Variants in KCNMB2 observed in about 807,000 individuals in gnomAD.
KCNMB2 encodes calcium-activated potassium channel subunit beta-2.
In KCNMB2, 9 loss-of-function variants were observed where a neutral mutation model predicts 24.5. The ratio of observed to expected loss-of-function variants is 0.37; its 90% CI spans 0.22 to 0.64. KCNMB2 has a LOEUF of 0.64. KCNMB2 is among the 30% of genes least tolerant of loss of function. KCNMB2 has a pLI of 0.63. For missense variants in KCNMB2, 226 were observed against 284.3 expected, an observed-to-expected ratio of 0.79 and a Z score of 1.47; for synonymous variants, 109 against 104.4, an observed-to-expected ratio of 1.04 and a Z score of -0.27.
chr3:178,774,542 A>G (rs1712503767), intron 1 of KCNMB2, among the ~76,000 whole-genome samples: 1 of 152,106 alleles, frequency 6.6e-6, no homozygotes, highest in South Asian at 2.1e-4. Context: ...GCTCTGAACC[A>G]TCATGGGGAC....
chr3:178,550,457 CAAAAAAA>C (rs71671909), intron 1 of KCNMB2, among the ~76,000 whole-genome samples: 4 of 46,020 alleles, frequency 8.7e-5, no homozygotes, highest in Admixed American at 2.9e-4. Flanking sequence ...GACTCCGTCT[CAAAAAAA>C]AAAAAAAAAA....
intron 1 of KCNMB2, among the ~76,000 whole-genome samples, chr3:178,648,762 T>C (rs1030038444): frequency 3.9e-5 from 6 of 152,194 alleles, no homozygotes; most frequent in Non-Finnish European, 8.8e-5. Flanking sequence ...ATAAGTCTGT[T>C]AAAGATTTTT....
At chr3:178,825,512 G>A in intron 2 of KCNMB2, 76 bp from the exon 3 acceptor site, 1 of 1,312,120 alleles carries the variant, frequency 7.6e-7, no homozygotes. Flanking sequence ...GAAGGCATGG[G>A]CAGAAACTGA....
intron 1 of KCNMB2, among the ~76,000 whole-genome samples, chr3:178,574,617 G>A (rs898450360): frequency 1.3e-5 from 2 of 152,094 alleles, no homozygotes; most frequent in Non-Finnish European, 2.9e-5. Flanking sequence ...CTTAAGGATC[G>A]GCTGCCCTTG....
chr3:178,558,200 A>G (rs1253004549), intron 1 of KCNMB2, among the ~76,000 whole-genome samples: 1 of 152,250 alleles, frequency 6.6e-6, no homozygotes, highest in Admixed American at 6.5e-5. Context: ...TAAATTGCCC[A>G]TACAATACAC....
At chr3:178,581,711 T>C (rs1357817415) in intron 1 of KCNMB2, among the ~76,000 whole-genome samples, 1 of 151,960 alleles carries the variant, frequency 6.6e-6, no homozygotes, top group African/African-American at 2.4e-5. Context: ...GCAAAGAATA[T>C]AAACAGACAC....
At chr3:178,732,418 G>A (rs1022713670) in intron 1 of KCNMB2, among the ~76,000 whole-genome samples, 4 of 152,158 alleles carry the variant, frequency 2.6e-5, no homozygotes, top group Non-Finnish European at 4.4e-5. Context: ...GTTGCCTGAA[G>A]TACATATTCC....
chr3:178,622,235 T>C (rs1420159350), intron 1 of KCNMB2, among the ~76,000 whole-genome samples: 1 of 152,220 alleles, frequency 6.6e-6, no homozygotes, highest in Admixed American at 6.5e-5. Flanking sequence ...TGTTTAACAC[T>C]ATATCACAGG....
At chr3:178,737,026 T>C (rs575912136) in intron 1 of KCNMB2, among the ~76,000 whole-genome samples, 2 of 152,286 alleles carry the variant, frequency 1.3e-5, no homozygotes, top group Admixed American at 6.5e-5. Context: ...TCCCAACACT[T>C]TGGGAGGCTG....
chr3:178,657,022 G>A (rs764789477), intron 1 of KCNMB2, among the ~76,000 whole-genome samples: 44 of 152,084 alleles, frequency 2.9e-4, no homozygotes, highest in Non-Finnish European at 5.3e-4. Flanking sequence ...CTGGCCCTCC[G>A]CCACTTGCCT....
At chr3:178,838,263 A>G (rs1715303661) in intron 4 of KCNMB2, among the ~76,000 whole-genome samples, 1 of 152,172 alleles carries the variant, frequency 6.6e-6, no homozygotes, top group African/African-American at 2.4e-5. Flanking sequence ...AATTTGCTTC[A>G]TGGCAGTCAA....
Position 178,713,934 on chromosome 3 carries a change from G to A in KCNMB2, c.-67-93409G>A, listed in dbSNP as rs1263813139. ...TTAACCCTGTGGGAAAAGCATTTGT[G>A]TTGTCTTACTAGTCTGCTCATGTTT... On this transcript the variant is annotated intron_variant, in intron 1 of 4. Transcript: ENST00000452583. 2.0e-5 allele frequency among the ~76,000 whole-genome samples: 3 copies of A among 152,138 alleles called. No homozygotes were observed. The East Asian group carries it at 5.8e-4, about 29-fold the overall frequency.
chr3:178,606,377 C>A (rs1277739888), intron 1 of KCNMB2, among the ~76,000 whole-genome samples: 1 of 152,046 alleles, frequency 6.6e-6, no homozygotes, highest in Admixed American at 6.5e-5. Context: ...GAGCCACAAG[C>A]CAAAGAGGAT....
At chr3:178,663,441 T>C (rs1012528941) in intron 1 of KCNMB2, among the ~76,000 whole-genome samples, 1 of 152,150 alleles carries the variant, frequency 6.6e-6, no homozygotes, top group African/African-American at 2.4e-5. Flanking sequence ...ATTCCCATAA[T>C]GTTTTCTACA....
chr3:178,608,194 T>C (rs1430452893), intron 1 of KCNMB2, among the ~76,000 whole-genome samples: 2 of 152,176 alleles, frequency 1.3e-5, no homozygotes, highest in Admixed American at 6.5e-5. Flanking sequence ...AACTGGACTT[T>C]GTGGGATTTT....
intron 1 of KCNMB2, among the ~76,000 whole-genome samples, chr3:178,653,729 TTA>T (rs1253382051): frequency 7.3e-5 from 11 of 151,302 alleles, no homozygotes; most frequent in Admixed American, 1.3e-4. Context: ...CAAATTGTCT[TTA>T]TGTTTTTAAG....
intron 4 of KCNMB2, among the ~76,000 whole-genome samples, chr3:178,839,027 C>G (rs138188200): frequency 1.3e-5 from 2 of 152,022 alleles, no homozygotes; most frequent in African/African-American, 4.8e-5. Context: ...CTGTCAGAAA[C>G]CAATTTAATT....
At chr3:178,678,225 G>GA (rs980870461) in intron 1 of KCNMB2, among the ~76,000 whole-genome samples, 6 of 151,936 alleles carry the variant, frequency 3.9e-5, no homozygotes, top group African/African-American at 1.4e-4. Flanking sequence ...GCTGTTAGAG[G>GA]AAAAAACAAA....
intron 2 of KCNMB2, among the ~76,000 whole-genome samples, 173 bp downstream of exon 2, chr3:178,807,638 T>A (rs528917098): frequency 6.6e-6 from 1 of 152,260 alleles, no homozygotes; most frequent in East Asian, 1.9e-4. Flanking sequence ...TCCTTGCACT[T>A]TACATGTTCG....
Sources: allele counts gnomAD v4.1 joint callset (sites outside exome capture counted in the v4.1 genomes callset), GRCh38; gene constraint gnomAD v4.1.1; transcripts MANE v1.5; gene names NCBI Gene and HGNC (gene_info 2026-07-23, HGNC 2026-07-21).